Variants in SYNPR observed in about 807,000 individuals in gnomAD.
SYNPR encodes the protein synaptoporin.
A neutral mutation model predicts 32.9 loss-of-function variants in SYNPR; 23 were observed. The ratio of observed to expected loss-of-function variants is 0.70; its 90% CI spans 0.50 to 0.99. SYNPR has a LOEUF of 0.99. SYNPR is among the 50% of genes least tolerant of loss of function. The pLI, the probability that SYNPR is intolerant of heterozygous loss-of-function variation, is 0.00. For synonymous variants in SYNPR, 146 were observed against 135.9 expected, an observed-to-expected ratio of 1.07 and a Z score of -0.52; for missense variants, 318 against 349.3, an observed-to-expected ratio of 0.91 and a Z score of 0.71.
intron 2 of SYNPR, among the ~76,000 whole-genome samples, chr3:63,415,205 G>A (rs1157559929): frequency 6.6e-6 from 1 of 152,062 alleles, no homozygotes; most frequent in Admixed American, 6.5e-5. Flanking sequence ...CTATAAAATG[G>A]TGTGCTCCTA....
At chr3:63,434,366 T>C (rs1394585112) in intron 2 of SYNPR, among the ~76,000 whole-genome samples, 1 of 152,222 alleles carries the variant, frequency 6.6e-6, no homozygotes, top group African/African-American at 2.4e-5. Flanking sequence ...CTGTGTATTA[T>C]TTATATACCT....
At chr3:63,204,335 G>A in the SYNPR span, among the ~76,000 whole-genome samples, 1 of 152,240 alleles carries the variant, frequency 6.6e-6, no homozygotes, top group South Asian at 2.1e-4. Flanking sequence ...CTTGCTTGTG[G>A]AAGCACAACT....
chr3:63,592,741 T>C (rs1369339594), intron 4 of SYNPR, among the ~76,000 whole-genome samples: 1 of 152,100 alleles, frequency 6.6e-6, no homozygotes, highest in Non-Finnish European at 1.5e-5. Flanking sequence ...CCTAATGTAT[T>C]TGGCCATCAA....
intron 3 of SYNPR, among the ~76,000 whole-genome samples, chr3:63,522,982 G>A (rs944817991): frequency 6.6e-6 from 1 of 152,132 alleles, no homozygotes; most frequent in Non-Finnish European, 1.5e-5. Context: ...GGAATATGGG[G>A]GAGCATGAGG....
intron 2 of SYNPR, among the ~76,000 whole-genome samples, chr3:63,379,532 T>C (rs2087939466): frequency 6.6e-6 from 1 of 152,176 alleles, no homozygotes; most frequent in African/African-American, 2.4e-5. Context: ...TTAGAACTGC[T>C]ATGTCTTCTT....
intron 4 of SYNPR, among the ~76,000 whole-genome samples, chr3:63,572,541 A>G (rs547003046): frequency 6.6e-6 from 1 of 152,222 alleles, no homozygotes; most frequent in East Asian, 1.9e-4. Flanking sequence ...TTCCCTTCCC[A>G]AAGCTCTTGA....
At chr3:63,564,858 G>T (rs1702755120) in intron 4 of SYNPR, among the ~76,000 whole-genome samples, 1 of 152,148 alleles carries the variant, frequency 6.6e-6, no homozygotes, top group Non-Finnish European at 1.5e-5. Flanking sequence ...TAGTTCTGTA[G>T]CCTTAATAAA....
chr3:63,507,900 C>T (rs919072444), intron 3 of SYNPR, among the ~76,000 whole-genome samples: 1 of 150,188 alleles, frequency 6.7e-6, no homozygotes, highest in African/African-American at 2.5e-5. Context: ...GGATATAAGT[C>T]ACAGGTATAA....
chr3:63,309,879 C>CATAT (rs761861562), intron 2 of SYNPR, among the ~76,000 whole-genome samples: 8 of 152,112 alleles, frequency 5.3e-5, no homozygotes, highest in Non-Finnish European at 1.0e-4. Flanking sequence ...CCCAGACATG[C>CATAT]ATATGCATTG....
intron 5 of SYNPR, among the ~76,000 whole-genome samples, chr3:63,613,084 T>G (rs116256145): frequency 0.018 from 2,668 of 151,970 alleles, 76 homozygotes; most frequent in African/African-American, 0.06. Context: ...GGGATACTGC[T>G]GCCTCAGCCT....
chr3:63,510,123 A>AG (rs1260327148), intron 3 of SYNPR, among the ~76,000 whole-genome samples: 2 of 152,110 alleles, frequency 1.3e-5, no homozygotes, highest in South Asian at 4.2e-4. Context: ...AAAATAAATA[A>AG]GGGGGGAACA....
intron 2 of SYNPR, among the ~76,000 whole-genome samples, chr3:63,420,209 G>A (rs1275099993): frequency 1.3e-5 from 2 of 152,024 alleles, no homozygotes; most frequent in Admixed American, 1.3e-4. Context: ...CAGGTATCCT[G>A]GTAAATTTAT....
intron 2 of SYNPR, among the ~76,000 whole-genome samples, chr3:63,440,594 A>G (rs1375206753): frequency 2.0e-5 from 3 of 152,172 alleles, no homozygotes; most frequent in Admixed American, 1.3e-4. Flanking sequence ...CTATCTGGAA[A>G]AAAATACGAG....
chr3:63,600,232 A>C (rs1025273125), intron 4 of SYNPR, among the ~76,000 whole-genome samples: 1 of 152,204 alleles, frequency 6.6e-6, no homozygotes, highest in African/African-American at 2.4e-5. Context: ...GCACTCAGTA[A>C]ATACGGACAG....
rs532473439 is a variant in SYNPR, at chr3:63,558,226, T to C, written c.408+1485T>C. Among the ~76,000 whole-genome samples, 7 of 152,352 alleles carry C rather than the reference T, an allele frequency of 4.6e-5. No homozygotes were observed. In the East Asian group the frequency reaches 1.3e-3, roughly 29 times the overall value. ...CCCAGCCTGTAGACTATGTGCTAAA[T>C]AAACCTCTTTTCTTTATAAATTACC... is the stretch of plus-strand genomic sequence containing the variant. On this transcript the variant is annotated intron_variant, in intron 4 of 5. Coordinates refer to ENST00000478300, the MANE Select transcript of SYNPR (RefSeq NM_001130003.2).
At chr3:63,381,391 A>G (rs1035058547) in intron 2 of SYNPR, among the ~76,000 whole-genome samples, 14 of 152,228 alleles carry the variant, frequency 9.2e-5, no homozygotes, top group African/African-American at 3.4e-4. Flanking sequence ...CCACTGCTCA[A>G]CGAAATAAAA....
intron 4 of SYNPR, among the ~76,000 whole-genome samples, chr3:63,603,878 G>C (rs1429509137): frequency 6.6e-6 from 1 of 152,160 alleles, no homozygotes; most frequent in Non-Finnish European, 1.5e-5. Flanking sequence ...GATGAGCTGG[G>C]AAATAGTCCT....
In SYNPR at chr3:63,462,849, C is replaced by T. The variant is rs140160066; in HGVS notation, c.85-17983C>T. The stretch of plus-strand genomic sequence containing the variant: ...GTCAAAACACCATAAAATTTTGATG[C>T]CCTCAACCAGCCTGTTGAGCATTGT... On this transcript the variant is annotated intron_variant, in intron 2 of 5. Coordinates refer to ENST00000478300, the MANE Select transcript of SYNPR (RefSeq NM_001130003.2). 2.1e-3 allele frequency among the ~76,000 whole-genome samples: 318 copies of T among 152,232 alleles called. 1 individual carries two copies. The highest frequency in any genetic ancestry group is 7.1e-3 in the African/African-American group (293 of 41,546).
chr3:63,428,909 G>A (rs1377796862), intron 2 of SYNPR, among the ~76,000 whole-genome samples: 3 of 152,172 alleles, frequency 2.0e-5, no homozygotes, highest in Admixed American at 6.6e-5. Flanking sequence ...CAGATTCAAG[G>A]AGTGAGAAAA....
Sources: allele counts gnomAD v4.1 joint callset (sites outside exome capture counted in the v4.1 genomes callset), GRCh38; gene constraint gnomAD v4.1.1; transcripts MANE v1.5; gene names NCBI Gene and HGNC (gene_info 2026-07-23, HGNC 2026-07-21).